ANKS1B: variants seen among roughly 807,000 people sequenced by gnomAD.
The protein encoded by ANKS1B is ankyrin repeat and sterile alpha motif domain containing 1B, also known as ankyrin repeat and sterile alpha motif domain-containing protein 1B.
Under a neutral mutation model 148.3 loss-of-function variants are expected in ANKS1B, and 36 were observed. The observed-to-expected ratio is 0.24, with a 90% confidence interval of 0.19 to 0.32. The LOEUF (loss-of-function observed/expected upper bound fraction) is 0.32, where lower values mean the gene tolerates loss of function less well. Among genes scored for constraint, ANKS1B ranks in the 10% least tolerant of loss-of-function variants. ANKS1B has a pLI of 1.00. For synonymous variants in ANKS1B, 542 were observed against 560.8 expected, an observed-to-expected ratio of 0.97 and a Z score of 0.47; for missense variants, 1,157 against 1,542.6, an observed-to-expected ratio of 0.75 and a Z score of 4.19.
intron 9 of ANKS1B, among the ~76,000 whole-genome samples, chr12:99,587,304 A>C (rs1457537841): frequency 6.6e-6 from 1 of 152,206 alleles, no homozygotes. Flanking sequence ...GAAATTTGAC[A>C]CAGGACCTTA....
intron 14 of ANKS1B, among the ~76,000 whole-genome samples, chr12:99,186,666 A>C (rs1363451626): frequency 6.6e-6 from 1 of 152,204 alleles, no homozygotes; most frequent in Non-Finnish European, 1.5e-5. Context: ...TTAGAAGGAA[A>C]ACTAACAAAC....
intron 17 of ANKS1B, among the ~76,000 whole-genome samples, chr12:98,862,319 A>G (rs1202921924): frequency 6.6e-6 from 1 of 152,150 alleles, no homozygotes; most frequent in East Asian, 1.9e-4. Context: ...GGTTCCCTAC[A>G]TTTCAGTTCT....
intron 9 of ANKS1B, among the ~76,000 whole-genome samples, chr12:99,506,278 A>G (rs139129891): frequency 6.6e-6 from 1 of 152,050 alleles, no homozygotes; most frequent in East Asian, 1.9e-4. Flanking sequence ...AATCTCCCTA[A>G]GTATATTCTA....
chr12:99,074,789 A>G (rs2047320204), intron 16 of ANKS1B, among the ~76,000 whole-genome samples: 1 of 152,180 alleles, frequency 6.6e-6, no homozygotes, highest in African/African-American at 2.4e-5. Context: ...TTCAGAACTG[A>G]CCTCTAATCA....
intron 11 of ANKS1B, among the ~76,000 whole-genome samples, chr12:99,431,621 T>C (rs149254260): frequency 6.6e-6 from 1 of 152,320 alleles, no homozygotes; most frequent in East Asian, 1.9e-4. Flanking sequence ...TGGAAACTTT[T>C]TATATAAGAA....
At chr12:98,906,997 T>C (rs2099780022) in intron 17 of ANKS1B, among the ~76,000 whole-genome samples, 1 of 135,564 alleles carries the variant, frequency 7.4e-6, no homozygotes, top group African/African-American at 2.7e-5. Flanking sequence ...TCCCCTCACA[T>C]AGTTACTCTG....
chr12:99,381,040 T>C lies in ANKS1B; in HGVS notation c.1756+18591A>G, dbSNP rs528611660. On this transcript the variant is annotated intron_variant, in intron 12 of 26. Transcript: ENST00000683438. ...GGCCATGAGAAAACAGAGGCAGAGA[T>C]TGAAATTATGCTGCCACAAGAGGAG... is the stretch of plus-strand genomic sequence containing the variant. 3.3e-5 allele frequency among the ~76,000 whole-genome samples: 5 copies of C among 152,222 alleles called. No homozygotes were observed. The South Asian group carries it at 1.0e-3, about 32-fold the overall frequency.
chr12:99,410,219 A>G (rs575022910), intron 11 of ANKS1B, among the ~76,000 whole-genome samples: 30 of 152,236 alleles, frequency 2.0e-4, no homozygotes, highest in Non-Finnish European at 3.7e-4. Context: ...ATGGAGACAT[A>G]GCCATGTCCA....
chr12:99,876,271 C>A (rs191164652), intron 1 of ANKS1B, among the ~76,000 whole-genome samples: 50 of 152,156 alleles, frequency 3.3e-4, no homozygotes, highest in African/African-American at 1.1e-3. Context: ...TAAACAATCC[C>A]CAAAAGATAA....
chr12:99,351,125 G>T (rs146104076), intron 12 of ANKS1B, among the ~76,000 whole-genome samples: 1 of 152,056 alleles, frequency 6.6e-6, no homozygotes, highest in Non-Finnish European at 1.5e-5. Context: ...CACCTTGTGA[G>T]TCTGCTGATG....
At chr12:99,595,745 A>C (rs1184854995) in intron 9 of ANKS1B, among the ~76,000 whole-genome samples, 3 of 151,938 alleles carry the variant, frequency 2.0e-5, no homozygotes, top group Non-Finnish European at 2.9e-5. Context: ...CCTTTAAATA[A>C]ATGATTCAAA....
intron 8 of ANKS1B, among the ~76,000 whole-genome samples, chr12:99,758,258 C>T (rs1457357317): frequency 6.6e-6 from 1 of 151,834 alleles, no homozygotes; most frequent in African/African-American, 2.4e-5. Context: ...TTCTGTGTGT[C>T]CAACACACTG....
chr12:99,146,760 C>T (rs937406726), intron 15 of ANKS1B, among the ~76,000 whole-genome samples: 17 of 152,098 alleles, frequency 1.1e-4, no homozygotes, highest in Admixed American at 3.9e-4. Context: ...TCCTCGGTAT[C>T]TGCTTTCTTC....
intron 12 of ANKS1B, among the ~76,000 whole-genome samples, chr12:99,383,992 G>A (rs1262994773): frequency 1.3e-5 from 2 of 152,044 alleles, no homozygotes; most frequent in African/African-American, 4.8e-5. Context: ...TCGTGCCACT[G>A]AATTCCAGCC....
chr12:99,603,412 G>A (rs576069613), intron 9 of ANKS1B, among the ~76,000 whole-genome samples: 8 of 152,152 alleles, frequency 5.3e-5, no homozygotes, highest in African/African-American at 1.7e-4. Context: ...CCATCTATAA[G>A]GCAACCATGT....
At chr12:99,215,617 C>T (rs1215738953) in intron 14 of ANKS1B, among the ~76,000 whole-genome samples, 1 of 152,238 alleles carries the variant, frequency 6.6e-6, no homozygotes, top group Non-Finnish European at 1.5e-5. Flanking sequence ...CAAAGGAGAT[C>T]ATTTTTGAAC....
intron 12 of ANKS1B, among the ~76,000 whole-genome samples, chr12:99,329,145 AG>A (rs1182200349): frequency 2.0e-5 from 3 of 151,960 alleles, no homozygotes; most frequent in Non-Finnish European, 4.4e-5. Context: ...AACTGAAAAA[AG>A]GTTTGGGGTA....
intron 16 of ANKS1B, among the ~76,000 whole-genome samples, chr12:99,080,530 G>A (rs2049335648): frequency 6.6e-6 from 1 of 152,218 alleles, no homozygotes; most frequent in Non-Finnish European, 1.5e-5. Context: ...CTTATGTGCT[G>A]AAATATACTG....
intron 8 of ANKS1B, among the ~76,000 whole-genome samples, chr12:99,742,381 A>G (rs148414097): frequency 1.3e-3 from 203 of 152,282 alleles, no homozygotes; most frequent in Non-Finnish European, 1.2e-3. Context: ...GTATTCACAC[A>G]CAAAAAATAT....
Sources: gnomAD v4.1 joint callset for allele counts (sites outside exome capture counted in the v4.1 genomes callset) on GRCh38, gnomAD v4.1.1 for gene constraint, MANE v1.5 for transcripts, NCBI Gene and HGNC (gene_info 2026-07-23, HGNC 2026-07-21) for gene names.